Variants in ATP10B observed in about 807,000 individuals in gnomAD.
The protein encoded by ATP10B is ATPase phospholipid transporting 10B (putative), also known as phospholipid-transporting ATPase VB.
ATP10B carries 122 observed loss-of-function variants against 141.2 expected under a neutral mutation model. The observed-to-expected ratio is 0.86, with a 90% CI of 0.75 to 1.00. The LOEUF (loss-of-function observed/expected upper bound fraction) is 1.00. ATP10B is among the 50% of genes least tolerant of loss of function. The probability of loss-of-function intolerance (pLI) is 0.00; values close to 1 mark genes in which losing one functional copy is unlikely to be tolerated. For synonymous variants in ATP10B, 685 were observed against 692.0 expected (o/e 0.99, Z 0.16); for missense variants, 1,876 against 1,825.3 (o/e 1.03, Z -0.51).
intron 2 of ATP10B, among the ~76,000 whole-genome samples, chr5:160,736,633 G>A (rs1404725913): frequency 1.3e-5 from 2 of 152,122 alleles, no homozygotes; most frequent in Non-Finnish European, 2.9e-5. Flanking sequence ...GGTGGCGTAC[G>A]CCTGTAGTCC....
At chr5:160,925,203 G>A in the ATP10B span, among the ~76,000 whole-genome samples, 1 of 152,178 alleles carries the variant, frequency 6.6e-6, no homozygotes, top group African/African-American at 2.4e-5. Context: ...TCCTGATTCT[G>A]GCCATGTGGC....
intron 6 of ATP10B, among the ~76,000 whole-genome samples, chr5:160,682,799 G>C (rs1763493820): frequency 6.6e-6 from 1 of 152,058 alleles, no homozygotes; most frequent in Non-Finnish European, 1.5e-5. Flanking sequence ...CAGCACTTTG[G>C]GAGGCCGAGG....
At chr5:160,603,654 G>A (rs1471189505) in intron 20 of ATP10B, 2 of 337,652 alleles carry the variant, frequency 5.9e-6, no homozygotes, top group South Asian at 4.4e-5. Flanking sequence ...ACAAATTTAA[G>A]CAGTGCCAAA....
At chr5:160,652,821 TTA>T (rs1760877587) in intron 7 of ATP10B, among the ~76,000 whole-genome samples, 1 of 97,460 alleles carries the variant, frequency 1.0e-5, no homozygotes, top group Admixed American at 1.5e-4. Flanking sequence ...ATATTATATA[TTA>T]ATTATATATA....
chr5:160,774,341 G>A (rs1770126892), intron 2 of ATP10B, among the ~76,000 whole-genome samples: 2 of 152,158 alleles, frequency 1.3e-5, no homozygotes, highest in Non-Finnish European at 2.9e-5. Context: ...AAATCTAAGT[G>A]TGCCGAAGAA....
At chr5:160,910,872 T>C in the ATP10B span, among the ~76,000 whole-genome samples, 1 of 152,180 alleles carries the variant, frequency 6.6e-6, no homozygotes, top group African/African-American at 2.4e-5. Flanking sequence ...TGATCCTCAA[T>C]GTTAGAGGTG....
chr5:160,772,938 A>G (rs1770013152), intron 2 of ATP10B, among the ~76,000 whole-genome samples: 1 of 152,250 alleles, frequency 6.6e-6, no homozygotes, highest in African/African-American at 2.4e-5. Context: ...TGGAAAAACC[A>G]GGACTGTATG....
At chr5:160,827,985 T>C (rs1008841939) in intron 1 of ATP10B, among the ~76,000 whole-genome samples, 2 of 152,162 alleles carry the variant, frequency 1.3e-5, no homozygotes, top group Non-Finnish European at 1.5e-5. Flanking sequence ...CTGTTTTGGT[T>C]ACTGTAGCCC....
chr5:160,683,179 A>C (rs1205070717), intron 6 of ATP10B, among the ~76,000 whole-genome samples: 1 of 152,188 alleles, frequency 6.6e-6, no homozygotes, highest in Non-Finnish European at 1.5e-5. Flanking sequence ...TTTCATATTC[A>C]AAGGCGAGGA....
intron 5 of ATP10B, among the ~76,000 whole-genome samples, chr5:160,687,305 C>A (rs1180453592): frequency 6.6e-6 from 1 of 152,074 alleles, no homozygotes; most frequent in African/African-American, 2.4e-5. Context: ...GTATCTCTAG[C>A]TCCCAGCTTA....
At chr5:160,774,890 C>G (rs962880745) in intron 2 of ATP10B, among the ~76,000 whole-genome samples, 5 of 152,126 alleles carry the variant, frequency 3.3e-5, no homozygotes, top group Non-Finnish European at 4.4e-5. Flanking sequence ...TAGGGTTGCA[C>G]AGAGTCTCCC....
At chr5:160,885,027 G>C in the ATP10B span, among the ~76,000 whole-genome samples, 1 of 152,312 alleles carries the variant, frequency 6.6e-6, no homozygotes, top group Admixed American at 6.5e-5. Context: ...CTGGTGGCAA[G>C]GCCTCCTCCT....
At chr5:160,673,038 C>G (rs944010063) in intron 6 of ATP10B, among the ~76,000 whole-genome samples, 3 of 152,260 alleles carry the variant, frequency 2.0e-5, no homozygotes, top group Admixed American at 2.0e-4. Flanking sequence ...CTTTAGAACT[C>G]GAAAGAACCA....
At position 160,620,848 on chromosome 5, in the gene ATP10B, A is replaced by T. The variant is rs774654987; in HGVS notation, c.1915T>A (p.Ser639Thr). Residue 639 changes from serine (S) to threonine (T), a missense_variant, in exon 15 of 26, where the codon TCC becomes ACC. Ser to Thr is a moderately conservative substitution (Grantham distance 58). Coordinates refer to ENST00000327245, the MANE Select transcript of ATP10B (RefSeq NM_025153.3). The stretch of plus-strand genomic sequence containing the variant: ...AGGTCTGTGTCAGAGGGTGCAGTGG[A>T]TGAGAATGACTGGCTGAGGCTCAAT... The part of the protein sequence containing the change: ...KLLSLSQSFS[S>T]TAPSDTDLGE... The T allele has an allele frequency of 2.5e-6, 4 of 1,614,202 alleles. 1 individual carries two copies.
Position 160,670,506 on chromosome 5 carries a change from G to A in ATP10B, c.632C>T (p.Thr211Ile), listed in dbSNP as rs1475000413. ...HLETASLDGETNLKQRCVVKG... is the reference protein window; with the variant it reads ...HLETASLDGEINLKQRCVVKG... ...CACGACACATCTTTGCTTGAGGTTT[G>A]TCTCTCCATCCAAGCTGGCAGTTTC... Residue 211 changes from threonine (T) to isoleucine (I), a missense_variant, in exon 7 of 26, where the codon ACA becomes ATA. By Grantham distance (89) the Thr-to-Ile change is moderately conservative. Coordinates refer to ENST00000327245, the MANE Select transcript of ATP10B (RefSeq NM_025153.3). The A allele has an allele frequency of 6.2e-7, 1 of 1,613,892 alleles. No individual in the cohort carries two copies. The highest frequency in any genetic ancestry group is 1.3e-5 in the African/African-American group (1 of 74,882).
the ATP10B span, among the ~76,000 whole-genome samples, chr5:160,880,077 GAA>G: frequency 6.7e-6 from 1 of 149,782 alleles, no homozygotes. Flanking sequence ...AAATCACATA[GAA>G]TATATCATCT....
rs149552304 is a variant in ATP10B, at chr5:160,566,895, T to G, written c.3939-995A>C. Reference sequence around the variant, plus strand: ...TTTGAAGTCTTATAAGCAGGAAGGCTTCTATTCTTCCACTATGTCTAAAAG... The same window carrying G: ...TTTGAAGTCTTATAAGCAGGAAGGCGTCTATTCTTCCACTATGTCTAAAAG... On this transcript the variant is annotated intron_variant, in intron 25 of 25. Transcript: ENST00000327245. 7.3e-4 allele frequency among the ~76,000 whole-genome samples: 111 copies of G among 152,302 alleles called. No homozygotes were observed. In the East Asian group the frequency reaches 0.021, roughly 29 times the overall value.
At position 160,632,371 on chromosome 5, in the gene ATP10B, C is replaced by T; in HGVS notation, c.1382-4G>A. The T allele has an allele frequency of 6.2e-7, 1 of 1,613,562 alleles. No homozygotes were observed. The highest frequency in any genetic ancestry group is 8.5e-7 in the Non-Finnish European group (1 of 1,179,552). On this transcript the variant is annotated splice_region_variant and splice_polypyrimidine_tract_variant and intron_variant, in intron 12 of 25. Transcript: ENST00000327245. The stretch of plus-strand genomic sequence containing the variant: ...TTTGGGGTCTCCAGTCGCTTAGCTG[C>T]AAGAAAGGAGTCCTGTTATTGCACT...
At chr5:160,920,615 GT>G in the ATP10B span, among the ~76,000 whole-genome samples, 1 of 152,230 alleles carries the variant, frequency 6.6e-6, no homozygotes, top group African/African-American at 2.4e-5. Flanking sequence ...GTAAGTCAGT[GT>G]TTTGCAACAT....
Sources: allele counts gnomAD v4.1 joint callset (sites outside exome capture counted in the v4.1 genomes callset), GRCh38; gene constraint gnomAD v4.1.1; transcripts MANE v1.5; gene names NCBI Gene and HGNC (gene_info 2026-07-23, HGNC 2026-07-21).